GAS2L1: variants seen among roughly 807,000 people sequenced by gnomAD.
GAS2L1 encodes GAS2-like protein 1.
In GAS2L1, 26 loss-of-function variants were observed where a neutral mutation model predicts 44.0. The observed-to-expected ratio is 0.59, with a 90% CI of 0.43 to 0.82. GAS2L1 has a LOEUF of 0.82. Among genes scored for constraint, GAS2L1 ranks in the 40% least tolerant of loss-of-function variants. The probability of loss-of-function intolerance (pLI) is 0.00; values close to 1 mark genes in which losing one functional copy is unlikely to be tolerated. For missense variants in GAS2L1, 1,006 were observed against 983.0 expected (o/e 1.02, Z -0.31); for synonymous variants, 426 against 415.9 (o/e 1.02, Z -0.30).
chr22:29,312,548 G>A (rs1172598002), exon 5 of GAS2L1: 1 of 1,360,390 alleles, frequency 7.4e-7, no homozygotes, highest in Non-Finnish European at 9.8e-7. Context: ...TTTCCTTTGT[G>A]GCCTTAACCC....
chr22:29,309,165 G>GA (rs1230153429), intron 1 of GAS2L1, among the ~76,000 whole-genome samples: 1 of 152,220 alleles, frequency 6.6e-6, no homozygotes, highest in African/African-American at 2.4e-5. Flanking sequence ...GCTCGGTTGA[G>GA]ACGAGGCATG....
intron 3 of GAS2L1, 33 bp downstream of exon 4, chr22:29,310,767 G>C (rs1477208359): frequency 1.9e-6 from 3 of 1,605,376 alleles, no homozygotes; most frequent in Middle Eastern, 1.7e-4. Flanking sequence ...GGCTGGACGG[G>C]CAGGGGACTT....
chr22:29,311,241 AG>A, intron 4 of GAS2L1: 1 of 589,452 alleles, frequency 1.7e-6, no homozygotes, highest in South Asian at 2.1e-5. Context: ...CGTCCTGGGA[AG>A]GGGGGTGTCT....
exon 5 of GAS2L1, chr22:29,311,846 G>A (rs756638727): frequency 2.5e-6 from 4 of 1,593,774 alleles, no homozygotes; most frequent in South Asian, 1.1e-5. Context: ...GGGGCAGTGG[G>A]GGCTCGGGCA....
exon 1 of GAS2L1, chr22:29,308,715 G>C: frequency 4.7e-6 from 7 of 1,498,282 alleles, no homozygotes; most frequent in Non-Finnish European, 6.2e-6. Flanking sequence ...GACACCCAGC[G>C]ACCTGCGCAA....
exon 1 of GAS2L1, chr22:29,308,541 C>T (rs2061372548): frequency 6.2e-7 from 1 of 1,601,238 alleles, no homozygotes; most frequent in Non-Finnish European, 8.5e-7. Flanking sequence ...GGTGGCGCGG[C>T]GTGGGGCACG....
exon 1 of GAS2L1, chr22:29,308,062 T>C: frequency 6.7e-7 from 1 of 1,501,382 alleles, no homozygotes; most frequent in Non-Finnish European, 8.9e-7. Context: ...CCCACAGCGA[T>C]CCTGAACTGT....
chr22:29,310,681 A>G (rs1374047618), exon 3 of GAS2L1: 1 of 1,607,850 alleles, frequency 6.2e-7, no homozygotes, highest in Non-Finnish European at 8.5e-7. Flanking sequence ...GGTGGCTGGG[A>G]CACGCTGGAG....
At position 29,308,733 on chromosome 22, in the gene GAS2L1, G is replaced by T; in HGVS notation, c.628G>T (p.Glu210Ter). The T allele has an allele frequency of 6.7e-7, 1 of 1,488,984 alleles. No individual in the cohort carries two copies. Among genetic ancestry groups the T allele is most frequent in the East Asian group, 2.3e-5 (1 of 42,868 alleles). The allele number at this position is 1,488,984 out of a possible 1,614,324, so 92.2% of individuals were successfully genotyped here. ...ACCCAGCGACCTGCGCAACCTCGACGAGCTGGTGAGTCCCCCAGCACCAGG... is the reference window on the plus strand; with the variant it reads ...ACCCAGCGACCTGCGCAACCTCGACTAGCTGGTGAGTCCCCCAGCACCAGG... Residue 210 changes from glutamate to a stop codon, truncating the protein, a stop_gained, in exon 1 of 5, where the codon GAG (glutamate) becomes TAG (stop). Coordinates refer to ENST00000618518, the Ensembl canonical transcript of GAS2L1. LOFTEE classifies it high-confidence loss of function.
chr22:29,308,506 A>G (rs2061372032), exon 1 of GAS2L1: 1 of 1,609,198 alleles, frequency 6.2e-7, no homozygotes, highest in Non-Finnish European at 8.5e-7. Context: ...AAGAACGAGA[A>G]GAGCGTGGTG....
At chr22:29,310,601 C>T (rs753916649) in intron 2 of GAS2L1, 37 bp from the exon 4 acceptor site, 158 of 1,581,808 alleles carry the variant, frequency 1.0e-4, no homozygotes, top group Admixed American at 3.0e-4. Flanking sequence ...GGCTGCGGGG[C>T]GCCCGGGGCA....
chr22:29,306,678 A>C (rs1253981189), upstream of GAS2L1: 1 of 152,332 alleles, frequency 6.6e-6, no homozygotes, highest in Non-Finnish European at 1.5e-5. Context: ...CATCTTGGGA[A>C]CAGGCCGTGC....
Position 29,309,584 on chromosome 22 carries a change from A to G in GAS2L1, c.633+846A>G, listed in dbSNP as rs530013531. Among the ~76,000 whole-genome samples, 48 of 152,264 alleles carry G rather than the reference A, an allele frequency of 3.2e-4. 1 individual carries two copies. The highest frequency in any genetic ancestry group is 1.2e-3 in the Admixed American group (19 of 15,308). On this transcript the variant is annotated intron_variant, in intron 1 of 4. Transcript: ENST00000618518. ...GGCACCACTGCCGCTGTGGGCGGGG[A>G]GGCGGGCAGGGCTGCCCACATAGCC...
upstream of GAS2L1, chr22:29,306,931 C>A (rs929383021): frequency 2.6e-5 from 4 of 152,200 alleles, no homozygotes; most frequent in African/African-American, 9.7e-5. Context: ...CCCCAGCTCC[C>A]GCCGGCTCGG....
chr22:29,307,092 C>A (rs368475887), exon 1 of GAS2L1: 4 of 151,914 alleles, frequency 2.6e-5, no homozygotes, highest in Admixed American at 1.3e-4. Context: ...CTCCCTGCGG[C>A]GGCCCGGCCC....
At chr22:29,310,684 C>T (rs1028813721) in exon 3 of GAS2L1, 7 of 1,607,758 alleles carry the variant, frequency 4.4e-6, no homozygotes, top group Non-Finnish European at 2.5e-6. Context: ...GGCTGGGACA[C>T]GCTGGAGCAT....
At chr22:29,308,863 AT>A in intron 1 of GAS2L1, 125 bp downstream of exon 2, 1 of 732,722 alleles carries the variant, frequency 1.4e-6, no homozygotes, top group Admixed American at 3.5e-5. Flanking sequence ...AAGAGTGCAC[AT>A]GTTGAGCACC....
At chr22:29,310,608 G>A in intron 2 of GAS2L1, 30 bp from the exon 4 acceptor site, 1 of 1,594,580 alleles carries the variant, frequency 6.3e-7, no homozygotes, top group Non-Finnish European at 8.6e-7. Context: ...GGGCGCCCGG[G>A]GCACAGCCGT....
intron 4 of GAS2L1, 57 bp downstream of exon 5, chr22:29,311,055 T>C (rs2061400035): frequency 1.3e-6 from 2 of 1,487,616 alleles, no homozygotes; most frequent in Admixed American, 3.8e-5. Flanking sequence ...GCGTCAGCCC[T>C]GGCCTGCATG....
Sources: gnomAD v4.1 joint callset for allele counts (sites outside exome capture counted in the v4.1 genomes callset) on GRCh38, gnomAD v4.1.1 for gene constraint, MANE v1.5 for transcripts, NCBI Gene and HGNC (gene_info 2026-07-23, HGNC 2026-07-21) for gene names.